The following ZBBX variants were observed in gnomAD, a reference collection of about 807,000 sequenced individuals.
ZBBX encodes zinc finger B-box domain containing, also known as zinc finger B-box domain-containing protein 1.
A neutral mutation model predicts 108.5 loss-of-function variants in ZBBX; 101 were observed. The ratio of observed to expected loss-of-function variants is 0.93; its 90% CI spans 0.79 to 1.10. ZBBX has a LOEUF of 1.10. ZBBX is among the 50% of genes least tolerant of loss of function. The pLI is 0.00. For synonymous variants in ZBBX, 356 were observed against 323.4 expected (o/e 1.10, Z -1.08); for missense variants, 1,009 against 941.4 (o/e 1.07, Z -0.94).
In ZBBX at chr3:167,333,906, T is replaced by C; in HGVS notation, c.608A>G (p.Glu203Gly). 1 of 1,612,782 alleles carries C rather than the reference T, an allele frequency of 6.2e-7. No individual in the cohort carries two copies. Among genetic ancestry groups the C allele is most frequent in the Non-Finnish European group, 8.5e-7 (1 of 1,179,270 alleles). Residue 203 changes from glutamate to glycine, a missense_variant, in exon 10 of 22, where the codon GAG becomes GGG. Glu to Gly is a moderately conservative substitution (Grantham distance 98). Coordinates refer to ENST00000675490, the MANE Select transcript of ZBBX (RefSeq NM_001199201.2). ...GGTTTCCTTTGTAGAATTATTCTCC[T>C]CTTTGGGTTCATCTGGATTAACATC... The part of the protein sequence containing the change: ...IKDVNPDEPK[E>G]ENNSTKETSK...
chr3:167,340,284 T>C (rs1740315076), intron 9 of ZBBX, among the ~76,000 whole-genome samples: 2 of 152,038 alleles, frequency 1.3e-5, no homozygotes, highest in Admixed American at 1.3e-4. Context: ...ATCATAGACC[T>C]AACTACATCA....
chr3:167,353,184 T>C (rs1484477732), intron 8 of ZBBX, among the ~76,000 whole-genome samples: 1 of 152,130 alleles, frequency 6.6e-6, no homozygotes, highest in Non-Finnish European at 1.5e-5. Flanking sequence ...AGTCAAATTA[T>C]TTATGTTTGC....
At chr3:167,399,025 T>C (rs79405853) in intron 1 of ZBBX, among the ~76,000 whole-genome samples, 6,944 of 150,774 alleles carry the variant, frequency 0.046, 558 homozygotes, top group African/African-American at 0.16. Context: ...CACCATGTGA[T>C]GCCCTATGCT....
At chr3:167,183,848 T>TTTTTATGGCCAGA in the ZBBX span, among the ~76,000 whole-genome samples, 1 of 152,110 alleles carries the variant, frequency 6.6e-6, no homozygotes, top group Non-Finnish European at 1.5e-5. Context: ...CAGAGATTAT[T>TTTTTATGGCCAGA]TTTTATGGCC....
At chr3:167,205,084 T>C in the ZBBX span, among the ~76,000 whole-genome samples, 1 of 152,238 alleles carries the variant, frequency 6.6e-6, no homozygotes, top group African/African-American at 2.4e-5. Context: ...ACCCAGGTAT[T>C]AGAAATTTCT....
intron 6 of ZBBX, among the ~76,000 whole-genome samples, chr3:167,362,549 C>T (rs1269359287): frequency 6.6e-6 from 1 of 152,140 alleles, no homozygotes; most frequent in Non-Finnish European, 1.5e-5. Flanking sequence ...ACTAATTGTC[C>T]TTCCTTCCAA....
intron 5 of ZBBX, among the ~76,000 whole-genome samples, chr3:167,367,564 A>G (rs1224370638): frequency 2.0e-5 from 3 of 147,554 alleles, no homozygotes; most frequent in East Asian, 1.9e-4. Flanking sequence ...ATTAATTCCC[A>G]TATTTTTAGA....
intron 20 of ZBBX, among the ~76,000 whole-genome samples, chr3:167,266,459 A>T (rs1461970131): frequency 1.3e-5 from 2 of 152,128 alleles, no homozygotes; most frequent in African/African-American, 4.8e-5. Flanking sequence ...AATAACTCAC[A>T]TCTCTTCCCT....
intron 6 of ZBBX, among the ~76,000 whole-genome samples, chr3:167,361,470 C>T (rs1257063726): frequency 6.6e-6 from 1 of 152,086 alleles, no homozygotes; most frequent in Non-Finnish European, 1.5e-5. Flanking sequence ...GCCTAGTTTT[C>T]AATTTGCAAT....
At chr3:167,233,673 A>G in the ZBBX span, among the ~76,000 whole-genome samples, 1 of 151,752 alleles carries the variant, frequency 6.6e-6, no homozygotes, top group African/African-American at 2.4e-5. Flanking sequence ...GGGTATCTCT[A>G]CTTGAAGAAA....
intron 1 of ZBBX, chr3:167,401,348 A>G (rs1194509890): frequency 6.6e-6 from 1 of 152,198 alleles, no homozygotes; most frequent in African/African-American, 2.4e-5. Flanking sequence ...AAAGGGGTGC[A>G]GACCCAGACC....
intron 20 of ZBBX, among the ~76,000 whole-genome samples, chr3:167,281,506 T>A (rs985568149): frequency 3.9e-5 from 6 of 152,096 alleles, no homozygotes; most frequent in Non-Finnish European, 8.8e-5. Flanking sequence ...ACCAAAGAAT[T>A]TTCTAGCCTG....
At chr3:167,186,178 A>G in the ZBBX span, among the ~76,000 whole-genome samples, 1 of 151,934 alleles carries the variant, frequency 6.6e-6, no homozygotes, top group Non-Finnish European at 1.5e-5. Context: ...TATGAGTAAT[A>G]GAGTATTTTG....
At chr3:167,343,210 G>A (rs1740855639) in intron 9 of ZBBX, among the ~76,000 whole-genome samples, 1 of 151,774 alleles carries the variant, frequency 6.6e-6, no homozygotes, top group Non-Finnish European at 1.5e-5. Context: ...GCAAGCTTCT[G>A]AGCTTGCATA....
At chr3:167,218,754 A>G in the ZBBX span, among the ~76,000 whole-genome samples, 1 of 152,122 alleles carries the variant, frequency 6.6e-6, no homozygotes, top group Non-Finnish European at 1.5e-5. Context: ...AAATAACTAA[A>G]TGGCAAGATT....
intron 1 of ZBBX, among the ~76,000 whole-genome samples, chr3:167,404,166 A>C (rs1367028329): frequency 6.6e-6 from 1 of 152,186 alleles, no homozygotes; most frequent in Non-Finnish European, 1.5e-5. Flanking sequence ...AAACTTCAAA[A>C]CAAGTAGTAC....
Position 167,299,927 on chromosome 3 carries a change from A to AT in ZBBX, c.1726-1470dup, listed in dbSNP as rs1192084436. Among the ~76,000 whole-genome samples the AT allele has an allele frequency of 3.3e-5, 5 of 152,244 alleles. No homozygotes were observed. The East Asian group carries it at 9.7e-4, about 29-fold the overall frequency. The stretch of plus-strand genomic sequence containing the variant: ...TATGATGGCCACTTTAGAAAGCTCT[A>AT]TTTTACAGCTCCCCTCCACCTGCTT... On this transcript the variant is annotated intron_variant, in intron 17 of 21. Transcript: ENST00000675490.
intron 9 of ZBBX, among the ~76,000 whole-genome samples, chr3:167,342,280 C>T (rs2108449511): frequency 6.6e-6 from 1 of 151,766 alleles, no homozygotes; most frequent in Non-Finnish European, 1.5e-5. Context: ...CTGCAAATTA[C>T]AAAAGTCCCT....
chr3:167,252,317 GGT>G (rs1480580624), intron 20 of ZBBX: 1 of 654,226 alleles, frequency 1.5e-6, no homozygotes, highest in Non-Finnish European at 2.3e-6. Flanking sequence ...GTGGTGTGGA[GGT>G]GTATGTCTGA....
Sources: allele counts gnomAD v4.1 joint callset (sites outside exome capture counted in the v4.1 genomes callset), GRCh38; gene constraint gnomAD v4.1.1; transcripts MANE v1.5; gene names NCBI Gene and HGNC (gene_info 2026-07-23, HGNC 2026-07-21).